Variants in THTPA observed in about 807,000 individuals in gnomAD.
The protein encoded by THTPA is thiamine triphosphatase, also known as thiamine-triphosphatase.
THTPA carries 16 observed loss-of-function variants against 16.5 expected under a neutral mutation model. The ratio of observed to expected loss-of-function variants is 0.97; its 90% CI spans 0.66 to 1.47. The LOEUF (loss-of-function observed/expected upper bound fraction) is 1.47. Ranked by LOEUF, THTPA falls within the 40% of genes most tolerant of loss-of-function variation. The pLI, the probability that THTPA is intolerant of heterozygous loss-of-function variation, is 0.00. For missense variants in THTPA, 281 were observed against 280.9 expected (o/e 1.00, Z 0.00); for synonymous variants, 110 against 115.5 (o/e 0.95, Z 0.30).
At chr14:23,531,409 G>A in the THTPA span, 15 of 1,331,256 alleles carry the variant, frequency 1.1e-5, no homozygotes, top group East Asian at 5.7e-5. Flanking sequence ...CTCTAACTCC[G>A]CAGCCCCCCT....
chr14:23,522,069 C>A, the THTPA span: 4 of 1,536,280 alleles, frequency 2.6e-6, no homozygotes, highest in Non-Finnish European at 3.5e-6. Flanking sequence ...GCAGCAGTGG[C>A]GGCGTTGGTG....
chr14:23,544,436 T>C, the THTPA span, among the ~76,000 whole-genome samples: 1 of 152,196 alleles, frequency 6.6e-6, no homozygotes, highest in Non-Finnish European at 1.5e-5. Context: ...TATGTGTATG[T>C]TGTTTTTTGA....
chr14:23,531,498 C>T, the THTPA span: 1 of 1,435,478 alleles, frequency 7.0e-7, no homozygotes, highest in Non-Finnish European at 9.2e-7. Context: ...CCGGAGCTGC[C>T]CGTGGCTGAA....
the THTPA span, among the ~76,000 whole-genome samples, chr14:23,519,469 G>C: frequency 6.6e-6 from 1 of 152,142 alleles, no homozygotes; most frequent in Non-Finnish European, 1.5e-5. Flanking sequence ...CAGGGAGAGA[G>C]GGGTACAAGA....
chr14:23,523,694 C>T, the THTPA span: 1 of 1,537,288 alleles, frequency 6.5e-7, no homozygotes, highest in Non-Finnish European at 8.7e-7. This position sits in a 1 kb window ranked among gnomAD's most constrained non-coding sequence, Gnocchi z 4.1. Context: ...AGCTTCATAG[C>T]AGGCTTTCAT....
At chr14:23,554,837 G>A (rs1460000538), upstream of THTPA, among the ~76,000 whole-genome samples, 1 of 152,104 alleles carries the variant, frequency 6.6e-6, no homozygotes, top group African/African-American at 2.4e-5. Context: ...TAAGAGCCAC[G>A]GTTCCTCAGG....
chr14:23,530,383 T>C, the THTPA span: 1 of 699,466 alleles, frequency 1.4e-6, no homozygotes. Context: ...AAAATTACAG[T>C]ATTAGAACTG....
At chr14:23,558,437 C>T (rs10150765) in intron 1 of THTPA, among the ~76,000 whole-genome samples, 2,862 of 152,272 alleles carry the variant, frequency 0.019, 84 homozygotes, top group African/African-American at 0.065. Context: ...GGTGCCTCTT[C>T]GCCATTTCTC....
At chr14:23,543,678 C>T in the THTPA span, 1 of 152,250 alleles carries the variant, frequency 6.6e-6, no homozygotes, top group Non-Finnish European at 1.5e-5. Context: ...GGAGTGGGAA[C>T]AGGAGGGAAG....
chr14:23,526,066 T>C, the THTPA span: 22 of 1,536,422 alleles, frequency 1.4e-5, no homozygotes, highest in Middle Eastern at 1.7e-4. Context: ...TGGGCTCTTC[T>C]TGGCTGCGTT....
the THTPA span, chr14:23,523,815 A>C: frequency 1.3e-6 from 2 of 1,536,098 alleles, no homozygotes; most frequent in Non-Finnish European, 1.7e-6. The surrounding 1 kb of genome is among the most constrained non-coding windows in gnomAD (Gnocchi z 4.1). Context: ...GCCCCAGGGG[A>C]TTCTGGTTCA....
At chr14:23,524,248 C>G in the THTPA span, 4 of 1,536,442 alleles carry the variant, frequency 2.6e-6, no homozygotes, top group Non-Finnish European at 3.5e-6. This position sits in a 1 kb window ranked among gnomAD's most constrained non-coding sequence, Gnocchi z 5.6. Flanking sequence ...GTACCACTCG[C>G]TTTTTGAGCC....
chr14:23,535,263 C>A, the THTPA span: 3 of 1,501,844 alleles, frequency 2.0e-6, no homozygotes, highest in Non-Finnish European at 2.7e-6. This position sits in a 1 kb window ranked among gnomAD's most constrained non-coding sequence, Gnocchi z 4.5. Context: ...AAGGCAGGGA[C>A]GGGGCATTGT....
chr14:23,551,301 G>GAA, upstream of THTPA: 1 of 152,564 alleles, frequency 6.6e-6, no homozygotes, highest in African/African-American at 2.4e-5. The surrounding 1 kb of genome is among the most constrained non-coding windows in gnomAD (Gnocchi z 5.3). Flanking sequence ...AGGGAGAGGA[G>GAA]AAAAAAACCA....
chr14:23,522,473 G>A, the THTPA span: 61 of 1,535,500 alleles, frequency 4.0e-5, no homozygotes, highest in South Asian at 9.5e-5. Context: ...CTGGGGTGGC[G>A]GCTGGAGGAG....
chr14:23,548,867 G>A, the THTPA span, among the ~76,000 whole-genome samples: 4 of 152,040 alleles, frequency 2.6e-5, no homozygotes, highest in South Asian at 2.1e-4. Flanking sequence ...CAGTGCTCTC[G>A]CTCTCTTCGC....
At chr14:23,531,722 C>T in the THTPA span, 1 of 1,341,070 alleles carries the variant, frequency 7.5e-7, no homozygotes, top group Non-Finnish European at 9.6e-7. Context: ...CCAGCAGAAA[C>T]TAGAACCATG....
the THTPA span, chr14:23,512,836 G>A: frequency 1.3e-5 from 2 of 151,582 alleles, no homozygotes; most frequent in Non-Finnish European, 2.9e-5. Flanking sequence ...GACTGAGCCA[G>A]GAGGAGAGCA....
At chr14:23,550,789 A>G in the THTPA span, among the ~76,000 whole-genome samples, 2 of 152,128 alleles carry the variant, frequency 1.3e-5, no homozygotes, top group African/African-American at 2.4e-5. Context: ...AACTTCAGCC[A>G]AAAACGAACG....
Sources: allele counts gnomAD v4.1 joint callset (sites outside exome capture counted in the v4.1 genomes callset), GRCh38; gene constraint gnomAD v4.1.1; non-coding constraint Gnocchi (gnomAD v3.1); transcripts MANE v1.5; gene names NCBI Gene and HGNC (gene_info 2026-07-23, HGNC 2026-07-21).